The following SPEF2 variants were observed in gnomAD, a reference collection of about 807,000 sequenced individuals.
SPEF2 encodes sperm flagella and cilia-associated protein 2.
In SPEF2, 187 loss-of-function variants were observed where a neutral mutation model predicts 224.6. That is an observed-to-expected ratio of 0.83 (90% CI 0.74 to 0.94). The LOEUF is 0.94. Among genes scored for constraint, SPEF2 ranks in the 40% least tolerant of loss-of-function variants. SPEF2 has a pLI of 0.00. For missense variants in SPEF2, 2,170 were observed against 2,135.6 expected (o/e 1.02, Z -0.32); for synonymous variants, 715 against 707.3 (o/e 1.01, Z -0.17).
chr5:35,715,818 T>C (rs1354561676), intron 20 of SPEF2, among the ~76,000 whole-genome samples: 3 of 142,874 alleles, frequency 2.1e-5, no homozygotes, highest in Non-Finnish European at 4.6e-5. Context: ...TATAATTTCT[T>C]TTTTTTTTTT....
At chr5:35,791,778 A>G (rs4346794) in intron 30 of SPEF2, among the ~76,000 whole-genome samples, 145,038 of 152,186 alleles carry the variant, frequency 0.95, 69,420 homozygotes, top group Non-Finnish European at 1. Context: ...ATACTTAGGA[A>G]TACTGAGCCA....
In SPEF2 at chr5:35,705,633, C is replaced by G. The variant is rs373278140; in HGVS notation, c.2508-18C>G. ...TTTGATCAGTATGAGATATTCATATCATATTTTGATTTTGCAGAATTATAG... is the reference window on the plus strand; with the variant it reads ...TTTGATCAGTATGAGATATTCATATGATATTTTGATTTTGCAGAATTATAG... On this transcript the variant is annotated intron_variant, in intron 17 of 36. Coordinates refer to ENST00000356031, the MANE Select transcript of SPEF2 (RefSeq NM_024867.4). 1 of 1,559,530 alleles carries G rather than the reference C, an allele frequency of 6.4e-7. No individual in the cohort carries two copies. The highest frequency in any genetic ancestry group is 1.4e-5 in the African/African-American group (1 of 71,678).
At position 35,788,534 on chromosome 5, in the gene SPEF2, C is replaced by A. The variant is rs1225307058; in HGVS notation, c.4448-3806C>A. 9 of 702,380 alleles carry A rather than the reference C, an allele frequency of 1.3e-5. No homozygotes were observed. The East Asian group carries it at 2.4e-4, about 19-fold the overall frequency. 43.5% of individuals were successfully genotyped at this position (702,380 alleles called of 1,614,324 possible). On this transcript the variant is annotated intron_variant, in intron 30 of 36. Coordinates refer to ENST00000356031, the MANE Select transcript of SPEF2 (RefSeq NM_024867.4). ...GCAGTTTGCACATGCAGGAAAGGTG[C>A]ACTGTCAAATTGTTGGGGTACAGAT...
At chr5:35,768,296 C>T (rs1752355706) in intron 26 of SPEF2, among the ~76,000 whole-genome samples, 1 of 151,958 alleles carries the variant, frequency 6.6e-6, no homozygotes, top group African/African-American at 2.4e-5. Context: ...AAGTGGGAAA[C>T]CAGACGTAGA....
intron 5 of SPEF2, among the ~76,000 whole-genome samples, chr5:35,647,046 CAGTCTGGA>C (rs1319037452): frequency 1.3e-5 from 2 of 151,504 alleles, no homozygotes; most frequent in Non-Finnish European, 2.9e-5. Context: ...TATTAAATGG[CAGTCTGGA>C]CTCCTGTGTT....
At chr5:35,718,623 G>A (rs1047178178) in intron 20 of SPEF2, among the ~76,000 whole-genome samples, 1 of 152,138 alleles carries the variant, frequency 6.6e-6, no homozygotes, top group Non-Finnish European at 1.5e-5. Context: ...CTAGAGAATA[G>A]GAATTATCTC....
intron 32 of SPEF2, 85 bp downstream of exon 32, chr5:35,793,426 G>A: frequency 1.4e-6 from 2 of 1,400,740 alleles, no homozygotes; most frequent in Admixed American, 4.2e-5. Context: ...TACATTGACA[G>A]GTCTCAGGCC....
At chr5:35,738,069 C>T (rs1045020106) in intron 21 of SPEF2, among the ~76,000 whole-genome samples, 2 of 151,846 alleles carry the variant, frequency 1.3e-5, no homozygotes, top group South Asian at 2.1e-4. Context: ...TTGTTTGTTT[C>T]CTTCTTGTAA....
At chr5:35,787,541 G>T (rs887504807) in intron 30 of SPEF2, among the ~76,000 whole-genome samples, 1 of 152,154 alleles carries the variant, frequency 6.6e-6, no homozygotes, top group East Asian at 1.9e-4. Flanking sequence ...GTGGAGTGTC[G>T]GTCTACTGGT....
At chr5:35,629,692 C>A (rs1297378872) in intron 2 of SPEF2, among the ~76,000 whole-genome samples, 1 of 152,114 alleles carries the variant, frequency 6.6e-6, no homozygotes, top group Admixed American at 6.5e-5. Flanking sequence ...TCTTCACAAC[C>A]ATCGCCACCA....
intron 27 of SPEF2, among the ~76,000 whole-genome samples, chr5:35,772,082 A>C (rs1752935383): frequency 6.6e-6 from 1 of 152,254 alleles, no homozygotes; most frequent in Admixed American, 6.5e-5. Context: ...TGCAGTAACA[A>C]AGAGAAGTTT....
intron 8 of SPEF2, among the ~76,000 whole-genome samples, chr5:35,661,388 AAT>A (rs968673219): frequency 2.8e-5 from 4 of 145,160 alleles, no homozygotes; most frequent in Non-Finnish European, 4.5e-5. Flanking sequence ...TACCAAGATA[AAT>A]ATATATATAT....
At chr5:35,715,809 A>G (rs1174640113) in intron 20 of SPEF2, among the ~76,000 whole-genome samples, 1 of 67,018 alleles carries the variant, frequency 1.5e-5, no homozygotes, top group Non-Finnish European at 3.1e-5. Context: ...ATAGGGGGAT[A>G]TAATTTCTTT....
At chr5:35,641,105 T>C (rs1335013671) in intron 2 of SPEF2, among the ~76,000 whole-genome samples, 1 of 152,196 alleles carries the variant, frequency 6.6e-6, no homozygotes, top group Non-Finnish European at 1.5e-5. Context: ...GAATGCAATC[T>C]CTTGAGAAAT....
In SPEF2 at chr5:35,740,004, G is replaced by A; in HGVS notation, c.3149G>A (p.Arg1050Lys). 4 of 1,614,106 alleles carry A rather than the reference G, an allele frequency of 2.5e-6. No homozygotes were observed. Among genetic ancestry groups the A allele is most frequent in the Non-Finnish European group, 2.5e-6 (3 of 1,180,004 alleles). ...ATCAAAACAGTACTCAGGCATCTGA[G>A]GGAAGACCAGCATACTGTGCTTGCT... ...NTIKTVLRHL[R>K]EDQHTVLAYL... is the part of the protein sequence containing the mutation. Residue 1050 changes from arginine to lysine, a missense_variant, in exon 22 of 37, where the codon AGG becomes AAG. Transcript: ENST00000356031.
At position 35,779,127 on chromosome 5, in the gene SPEF2, TTAAC is replaced by T. The variant is rs753912915; in HGVS notation, c.4230_4233del (p.Asp1412Ter). 6.2e-7 allele frequency: 1 copy of T among 1,611,978 alleles called. No homozygotes were observed. Among genetic ancestry groups the T allele is most frequent in the Non-Finnish European group, 8.5e-7 (1 of 1,179,080 alleles). ...TTTTACCACTTTCAGTACAGAAAAA[TTAAC>T]TGACGTAGCTCGCTATCACATTGAA... On this transcript the variant is annotated frameshift_variant, in exon 30 of 37. Coordinates refer to ENST00000356031, the MANE Select transcript of SPEF2 (RefSeq NM_024867.4). LOFTEE classifies it high-confidence loss of function.
intron 10 of SPEF2, 107 bp downstream of exon 10, chr5:35,670,334 G>T: frequency 6.9e-7 from 1 of 1,443,642 alleles, no homozygotes; most frequent in Non-Finnish European, 9.1e-7. Context: ...AAATAGACAT[G>T]TTTTGTTTGC....
At chr5:35,658,151 T>C (rs1022045512) in intron 7 of SPEF2, among the ~76,000 whole-genome samples, 7 of 152,132 alleles carry the variant, frequency 4.6e-5, no homozygotes, top group Non-Finnish European at 8.8e-5. Flanking sequence ...AACCCATAAT[T>C]TTACCTAATG....
At chr5:35,657,146 A>T (rs1417356840) in intron 7 of SPEF2, among the ~76,000 whole-genome samples, 2 of 152,176 alleles carry the variant, frequency 1.3e-5, no homozygotes, top group African/African-American at 4.8e-5. Flanking sequence ...ATCAGCCCTG[A>T]ATGTTTTCTT....
Sources: gnomAD v4.1 joint callset for allele counts (sites outside exome capture counted in the v4.1 genomes callset) on GRCh38, gnomAD v4.1.1 for gene constraint, MANE v1.5 for transcripts, NCBI Gene and HGNC (gene_info 2026-07-23, HGNC 2026-07-21) for gene names.